Variants in CTPS2 observed in about 807,000 individuals in gnomAD.
The protein encoded by CTPS2 is CTP synthase II.
In CTPS2, 19 loss-of-function variants were observed where a neutral mutation model predicts 46.8. The ratio of observed to expected loss-of-function variants is 0.41; its 90% CI spans 0.28 to 0.60. The LOEUF (loss-of-function observed/expected upper bound fraction) is 0.60, where lower values mean the gene tolerates loss of function less well. Among genes scored for constraint, CTPS2 ranks in the 20% least tolerant of loss-of-function variants. The pLI, the probability that CTPS2 is intolerant of heterozygous loss-of-function variation, is 0.35. For missense variants in CTPS2, 286 were observed against 447.6 expected (o/e 0.64, Z 3.26); for synonymous variants, 151 against 165.2 (o/e 0.91, Z 0.66).
chrX:16,626,372 C>T (rs896562128), intron 14 of CTPS2, among the ~76,000 whole-genome samples: 1 of 110,535 alleles, frequency 9.0e-6, no homozygotes, highest in African/African-American at 3.3e-5. Flanking sequence ...CAAAGTGAGA[C>T]TCTGTCTCAA....
chrX:16,654,382 C>T, intron 13 of CTPS2: 1 of 1,039,243 alleles, frequency 9.6e-7, no homozygotes, highest in Non-Finnish European at 1.3e-6. Context: ...CTCCCTTCTC[C>T]CATCCTTTTT....
intron 13 of CTPS2, among the ~76,000 whole-genome samples, chrX:16,653,915 C>T (rs1286576316): frequency 9.0e-6 from 1 of 111,149 alleles, no homozygotes; most frequent in African/African-American, 3.3e-5. Flanking sequence ...GTAGATCTCC[C>T]TCATAGGGTG....
In CTPS2 at chrX:16,636,809, T is replaced by C. The variant is rs375423180; in HGVS notation, c.1393+2338A>G. On this transcript the variant is annotated intron_variant, in intron 14 of 18. Transcript: ENST00000359276. ...GCAGGCGCCTGTAGTCCCAGCTACT[T>C]GGGAGGCTGAGGCAGGAGAATGGCG... 3.4e-3 allele frequency among the ~76,000 whole-genome samples: 375 copies of C among 109,975 alleles called. 2 individuals are homozygous for C. The highest frequency in any genetic ancestry group is 0.011 in the African/African-American group (337 of 30,220).
chrX:16,629,483 C>T (rs1602161120), intron 14 of CTPS2, among the ~76,000 whole-genome samples: 2 of 109,920 alleles, frequency 1.8e-5, no homozygotes, highest in Admixed American at 9.7e-5. Context: ...AAATCCCGGG[C>T]GACCTCTTTT....
At chrX:16,693,100 A>C in intron 6 of CTPS2, 41 bp downstream of exon 6, 2 of 868,042 alleles carry the variant, frequency 2.3e-6, no homozygotes, top group Non-Finnish European at 3.4e-6. Flanking sequence ...TCCTGCTCCC[A>C]GAGACCTTCA....
chrX:16,615,492 G>A (rs759804830), intron 16 of CTPS2, among the ~76,000 whole-genome samples: 11 of 111,632 alleles, frequency 9.9e-5, no homozygotes, highest in East Asian at 2.8e-4. Context: ...TGTTTCCCCC[G>A]CCTTTCCATG....
intron 16 of CTPS2, among the ~76,000 whole-genome samples, chrX:16,616,364 T>C (rs1281869235): frequency 8.9e-6 from 1 of 112,191 alleles, no homozygotes; most frequent in Non-Finnish European, 1.9e-5. Flanking sequence ...TGTTCAGAAG[T>C]TAAATGACTG....
At chrX:16,689,923 G>A (rs190363545) in intron 7 of CTPS2, among the ~76,000 whole-genome samples, 39 of 108,745 alleles carry the variant, frequency 3.6e-4, no homozygotes, top group South Asian at 1.6e-3. Context: ...ATGGTGACAT[G>A]TGCCTATAAT....
Position 16,609,689 on chromosome X carries a change from A to C in CTPS2, c.1547-4T>G, listed in dbSNP as rs1309309715. 5.0e-6 allele frequency: 6 copies of C among 1,202,777 alleles called. No individual in the cohort carries two copies. In the African/African-American group the frequency reaches 1.1e-4, roughly 21 times the overall value. On this transcript the variant is annotated splice_polypyrimidine_tract_variant and splice_region_variant and intron_variant, in intron 16 of 18. Transcript: ENST00000359276. ...ACACCAACAAAATAAGGATGATCTG[A>C]AATGAGAACAATCACGATGCGATTA...
Position 16,646,719 on chromosome X carries a change from GGTACTAACACT to G in CTPS2, c.1297-7487_1297-7477del, listed in dbSNP as rs1029567089. Among the ~76,000 whole-genome samples the G allele has an allele frequency of 5.4e-5, 6 of 112,114 alleles. No homozygotes were observed. The Admixed American group carries it at 5.7e-4, about 11-fold the overall frequency. ...CACCCATTTTGTTTTGCAGGGACCA[GGTACTAACACT>G]GTACCCTCTTCCTGAAGGTGCTTTT... is the stretch of plus-strand genomic sequence containing the variant. On this transcript the variant is annotated intron_variant, in intron 13 of 18. Coordinates refer to ENST00000359276, the MANE Select transcript of CTPS2 (RefSeq NM_175859.3).
intron 14 of CTPS2, among the ~76,000 whole-genome samples, chrX:16,625,210 G>A (rs12558139): frequency 0.087 from 9,713 of 112,283 alleles, 681 homozygotes; most frequent in African/African-American, 0.23. Context: ...TTCTGCATTC[G>A]AAAGGAAGGA....
chrX:16,665,168 G>C (rs537562501), intron 13 of CTPS2, among the ~76,000 whole-genome samples: 4 of 112,173 alleles, frequency 3.6e-5, no homozygotes, highest in African/African-American at 1.3e-4. Flanking sequence ...GGACAAATTA[G>C]GACCCTCATA....
intron 14 of CTPS2, among the ~76,000 whole-genome samples, chrX:16,637,326 G>A (rs899400037): frequency 1.8e-5 from 2 of 111,266 alleles, no homozygotes; most frequent in East Asian, 2.8e-4. Context: ...TCAGGTGATC[G>A]TCCCGCTTCA....
intron 14 of CTPS2, among the ~76,000 whole-genome samples, chrX:16,636,767 A>G (rs1337263878): frequency 9.2e-6 from 1 of 109,246 alleles, no homozygotes; most frequent in East Asian, 2.9e-4. Flanking sequence ...TACTAAAAAT[A>G]CAAAAAAAAA....
intron 9 of CTPS2, 122 bp downstream of exon 9, chrX:16,682,969 GTTC>G (rs10588742): frequency 0.058 from 42,131 of 725,070 alleles, 1,990 homozygotes; most frequent in African/African-American, 0.27. Context: ...AGTCCTGTGA[GTTC>G]TTCTGGTGAA....
Position 16,623,819 on chromosome X carries a change from T to TTTTTTTTG in CTPS2, c.1394-3488_1394-3487insCAAAAAAA, listed in dbSNP as rs1930972288. 2.4e-5 allele frequency among the ~76,000 whole-genome samples: 2 copies of TTTTTTTTG among 84,271 alleles called. 1 individual carries two copies. Among genetic ancestry groups the TTTTTTTTG allele is most frequent in the African/African-American group, 9.1e-5 (2 of 21,951 alleles). The allele number at this position is 84,271 out of a possible 115,157, so 73.2% of individuals were successfully genotyped here. ...TTTTTTTTTTTTTTTTTTTTTTTTT[T>TTTTTTTTG]TTTTTCTGAGACGGAGTCTCACTCC... On this transcript the variant is annotated intron_variant, in intron 14 of 18. Coordinates refer to ENST00000359276, the MANE Select transcript of CTPS2 (RefSeq NM_175859.3).
intron 1 of CTPS2, among the ~76,000 whole-genome samples, chrX:16,704,944 G>A (rs868308572): frequency 4.6e-5 from 5 of 109,792 alleles, no homozygotes; most frequent in Admixed American, 9.8e-5. Flanking sequence ...GCGAAACTCC[G>A]TCTCAAAAAA....
rs1165858795 is a variant in CTPS2 at position 16,668,541 on chromosome X, C to T, written c.1190-817G>A. Reference sequence around the variant, plus strand: ...CAGAGCTTACAGTGAGCAGAGATCGCGCCACTGCACTCCAGCCTGGGCGAC... The same window carrying T: ...CAGAGCTTACAGTGAGCAGAGATCGTGCCACTGCACTCCAGCCTGGGCGAC... On this transcript the variant is annotated intron_variant, in intron 11 of 18. Transcript: ENST00000359276. Among the ~76,000 whole-genome samples the T allele has an allele frequency of 4.8e-5, 5 of 105,059 alleles. No individual in the cohort carries two copies. The South Asian group carries it at 1.3e-3, about 27-fold the overall frequency. 91.2% of individuals were successfully genotyped at this position (105,059 alleles called of 115,157 possible). A position where few individuals can be genotyped will look rare whatever the true frequency, so the allele number is the denominator to read the frequency against.
chrX:16,643,193 G>T (rs910132606), intron 13 of CTPS2, among the ~76,000 whole-genome samples: 3 of 111,713 alleles, frequency 2.7e-5, no homozygotes, highest in African/African-American at 9.8e-5. Context: ...CAGGAGTTAG[G>T]TTCTCTTAGC....
Sources: allele counts gnomAD v4.1 joint callset (sites outside exome capture counted in the v4.1 genomes callset), GRCh38; gene constraint gnomAD v4.1.1; transcripts MANE v1.5; gene names NCBI Gene and HGNC (gene_info 2026-07-23, HGNC 2026-07-21).